HNRNPUL1: variants seen among roughly 807,000 people sequenced by gnomAD.
HNRNPUL1 encodes the protein heterogeneous nuclear ribonucleoprotein U-like protein 1.
A neutral mutation model predicts 108.5 loss-of-function variants in HNRNPUL1; 14 were observed. The ratio of observed to expected loss-of-function variants is 0.13; its 90% CI spans 0.09 to 0.20. The LOEUF is 0.20. HNRNPUL1 is among the 10% of genes least tolerant of loss of function. HNRNPUL1 has a pLI of 1.00. For synonymous variants in HNRNPUL1, 422 were observed against 445.2 expected, an observed-to-expected ratio of 0.95 and a Z score of 0.66; for missense variants, 804 against 1,168.3, an observed-to-expected ratio of 0.69 and a Z score of 4.55.
At chr19:41,302,542 A>C (rs778235048) in intron 11 of HNRNPUL1, 123 bp from the exon 12 acceptor site, 1 of 1,238,834 alleles carries the variant, frequency 8.1e-7, no homozygotes, top group African/African-American at 1.5e-5. Flanking sequence ...TTTCTTATTC[A>C]CTATTCCAGT....
At chr19:41,300,278 C>G (rs1389137688) in intron 10 of HNRNPUL1, among the ~76,000 whole-genome samples, 1 of 152,046 alleles carries the variant, frequency 6.6e-6, no homozygotes, top group Admixed American at 6.5e-5. Flanking sequence ...CAGGACTTGA[C>G]CCTAGACTCT....
rs746834749 is a variant in HNRNPUL1 at position 41,292,518 on chromosome 19, G to C, written c.1266+7G>C. On this transcript the variant is annotated splice_region_variant and intron_variant, in intron 8 of 14. Coordinates refer to ENST00000392006, the MANE Select transcript of HNRNPUL1 (RefSeq NM_007040.6). The surrounding 1 kb of genome is among the most constrained non-coding windows in gnomAD (Gnocchi z 4.1). ...GAGCAAGGCAGAATGTGAGGTGAGT[G>C]GGGCCAGAATGTATTGGTGGCCACC... is the stretch of plus-strand genomic sequence containing the variant. The C allele has an allele frequency of 3.1e-6, 5 of 1,606,036 alleles. No individual in the cohort carries two copies. The South Asian group carries it at 4.4e-5, about 14-fold the overall frequency.
chr19:41,280,881 G>A (rs1027494379), intron 6 of HNRNPUL1: 8 of 347,354 alleles, frequency 2.3e-5, no homozygotes, highest in Non-Finnish European at 3.9e-5. Context: ...CCCAACTCCT[G>A]TCTTCCTTCC....
intron 6 of HNRNPUL1, 103 bp from the exon 7 acceptor site, chr19:41,281,060 A>G: frequency 1.3e-6 from 1 of 756,124 alleles, no homozygotes; most frequent in Non-Finnish European, 2.3e-6. Context: ...TAAAACTAGT[A>G]AAGAAAATGA....
At chr19:41,281,031 TA>T in intron 6 of HNRNPUL1, 131 bp from the exon 7 acceptor site, 1 of 627,182 alleles carries the variant, frequency 1.6e-6, no homozygotes, top group East Asian at 2.8e-5. Flanking sequence ...ACCCCTATTT[TA>T]AAAAGGCATC....
chr19:41,282,223 C>T (rs150854842), intron 7 of HNRNPUL1, among the ~76,000 whole-genome samples: 1 of 152,148 alleles, frequency 6.6e-6, no homozygotes, highest in East Asian at 1.9e-4. Flanking sequence ...GCTCTTGTTG[C>T]CCAGGCTGGA....
intron 2 of HNRNPUL1, among the ~76,000 whole-genome samples, chr19:41,268,749 T>C (rs2035019348): frequency 6.6e-6 from 1 of 151,892 alleles, no homozygotes; most frequent in South Asian, 2.1e-4. Flanking sequence ...TCCCAGCTAC[T>C]TGGGAGGCTG....
intron 5 of HNRNPUL1, among the ~76,000 whole-genome samples, chr19:41,277,237 C>G (rs1260807550): frequency 1.3e-5 from 2 of 152,160 alleles, no homozygotes; most frequent in Non-Finnish European, 2.9e-5. Context: ...TGTATCCAAA[C>G]TTACTGATGA....
At position 41,292,847 on chromosome 19, in the gene HNRNPUL1, TC is replaced by T. The variant is rs1446097478; in HGVS notation, c.1266+337del. 5.3e-5 allele frequency among the ~76,000 whole-genome samples: 8 copies of T among 152,248 alleles called. No homozygotes were observed. The highest frequency in any genetic ancestry group is 1.9e-4 in the African/African-American group (8 of 41,524). Reference sequence around the variant, plus strand: ...GGGAGTGCACTGTGCCACCAAGTGTTCTTTTTTTTTCTTTAGAGACAGGGTC... The same window carrying T: ...GGGAGTGCACTGTGCCACCAAGTGTTTTTTTTTTTCTTTAGAGACAGGGTC... On this transcript the variant is annotated intron_variant, in intron 8 of 14. Transcript: ENST00000392006. This position sits in a 1 kb window ranked among gnomAD's most constrained non-coding sequence, Gnocchi z 4.1.
At chr19:41,271,631 G>A (rs1284772478) in intron 2 of HNRNPUL1, among the ~76,000 whole-genome samples, 4 of 152,254 alleles carry the variant, frequency 2.6e-5, no homozygotes, top group South Asian at 2.1e-4. Flanking sequence ...TCCACAGCAC[G>A]GTATCCCATC....
chr19:41,288,564 G>C (rs2036390841), intron 7 of HNRNPUL1, among the ~76,000 whole-genome samples: 1 of 152,034 alleles, frequency 6.6e-6, no homozygotes, highest in South Asian at 2.1e-4. Context: ...TCTTTTTATG[G>C]TACTACCAAG....
Position 41,307,516 on chromosome 19 carries a change from A to C in HNRNPUL1, c.*951A>C, listed in dbSNP as rs1406863519. On this transcript the variant is annotated 3_prime_UTR_variant, in exon 15 of 15. Transcript: ENST00000392006. ...GTGGTCTCCCAGGTGCCAGACCCAA[A>C]AGCTTTTCCTACAGTGATACCCTTT... 1 of 152,438 alleles carries C rather than the reference A, an allele frequency of 6.6e-6. No homozygotes were observed. The highest frequency in any genetic ancestry group is 1.5e-5 in the Non-Finnish European group (1 of 68,000). 9.4% of individuals were successfully genotyped at this position (152,438 alleles called of 1,614,324 possible).
At chr19:41,293,017 T>G (rs981248058) in intron 8 of HNRNPUL1, among the ~76,000 whole-genome samples, 2 of 152,100 alleles carry the variant, frequency 1.3e-5, no homozygotes, top group African/African-American at 4.8e-5. Context: ...GCTAACTTTT[T>G]TAGCCACTGA....
intron 6 of HNRNPUL1, among the ~76,000 whole-genome samples, chr19:41,280,260 G>T (rs1203997569): frequency 6.6e-6 from 1 of 152,090 alleles, no homozygotes; most frequent in Non-Finnish European, 1.5e-5. Context: ...TGGTTAATGG[G>T]TACGATGTAC....
intron 1 of HNRNPUL1, 155 bp from the exon 2 acceptor site, chr19:41,268,068 C>G (rs780034613): frequency 1.6e-6 from 1 of 633,466 alleles, no homozygotes; most frequent in Non-Finnish European, 2.5e-6. Flanking sequence ...GTATCCCAGG[C>G]TCTGGAGTAT....
At chr19:41,270,301 A>G (rs1753140134) in intron 2 of HNRNPUL1, among the ~76,000 whole-genome samples, 1 of 151,752 alleles carries the variant, frequency 6.6e-6, no homozygotes, top group African/African-American at 2.4e-5. Context: ...CCTACTCTGG[A>G]CCCTGAGGTG....
chr19:41,270,586 C>A (rs548270749), intron 2 of HNRNPUL1, among the ~76,000 whole-genome samples: 1 of 149,200 alleles, frequency 6.7e-6, no homozygotes, highest in Admixed American at 6.7e-5. Flanking sequence ...TGCCAACTCT[C>A]CCTTCCCTTT....
At chr19:41,297,370 G>T (rs1245191040) in intron 10 of HNRNPUL1, among the ~76,000 whole-genome samples, 22 of 152,242 alleles carry the variant, frequency 1.4e-4, no homozygotes, top group Non-Finnish European at 1.5e-5. Context: ...GTCCTGAGGA[G>T]AGTGGGGAGT....
rs184808813 is a variant in HNRNPUL1 at position 41,275,390 on chromosome 19, G to A, written c.647-769G>A. Among the ~76,000 whole-genome samples, 60 of 152,188 alleles carry A rather than the reference G, an allele frequency of 3.9e-4. No homozygotes were observed. In the East Asian group the frequency reaches 8.7e-3, roughly 22 times the overall value. ...TAGTCCCAGCTGTTCAGGAGGCTGC[G>A]GTGGGAGGATGGCTTAAGCGCAGGA... On this transcript the variant is annotated intron_variant, in intron 4 of 14. Transcript: ENST00000392006.
Sources: gnomAD v4.1 joint callset for allele counts (sites outside exome capture counted in the v4.1 genomes callset) on GRCh38, gnomAD v4.1.1 for gene constraint, Gnocchi (gnomAD v3.1) non-coding constraint, MANE v1.5 for transcripts, NCBI Gene and HGNC (gene_info 2026-07-23, HGNC 2026-07-21) for gene names.